Variants in UBR2 observed in about 807,000 individuals in gnomAD.
UBR2 encodes the protein E3 ubiquitin-protein ligase UBR2.
A neutral mutation model predicts 247.9 loss-of-function variants in UBR2; 92 were observed. The observed-to-expected ratio is 0.37, with a 90% CI of 0.31 to 0.44. The LOEUF is 0.44. UBR2 is among the 20% of genes least tolerant of loss of function. The probability of loss-of-function intolerance (pLI) is 1.00; values close to 1 mark genes in which losing one functional copy is unlikely to be tolerated. For missense variants in UBR2, 1,613 were observed against 2,112.6 expected (o/e 0.76, Z 4.64); for synonymous variants, 672 against 693.5 (o/e 0.97, Z 0.49).
chr6:42,610,783 G>T lies in UBR2; in HGVS notation c.865-1388G>T, dbSNP rs896123098. 2.0e-5 allele frequency among the ~76,000 whole-genome samples: 3 copies of T among 151,772 alleles called. No individual in the cohort carries two copies. The South Asian group carries it at 6.3e-4, about 32-fold the overall frequency. On this transcript the variant is annotated intron_variant, in intron 7 of 46. Coordinates refer to ENST00000372901, the MANE Select transcript of UBR2 (RefSeq NM_001363705.2). ...GGACTAGTTTCACAACAGTATGAAT[G>T]TACTTAACAATACTGAACTGTACAC...
In UBR2 at chr6:42,620,128, G is replaced by T. The variant is rs919027437; in HGVS notation, c.1281+2621G>T. 9.5e-6 allele frequency: 6 copies of T among 632,286 alleles called. No individual in the cohort carries two copies. The South Asian group carries it at 3.6e-4, about 38-fold the overall frequency. The allele number at this position is 632,286 out of a possible 1,614,324, so 39.2% of individuals were successfully genotyped here. A position where few individuals can be genotyped will look rare whatever the true frequency, so the allele number is the denominator to read the frequency against. ...AATGGTTAAACCAATTCATGCTTCTGTTAATAACGTATGAAAGTGATAGTT... is the reference window on the plus strand; with the variant it reads ...AATGGTTAAACCAATTCATGCTTCTTTTAATAACGTATGAAAGTGATAGTT... On this transcript the variant is annotated intron_variant, in intron 11 of 46. Coordinates refer to ENST00000372901, the MANE Select transcript of UBR2 (RefSeq NM_001363705.2).
intron 43 of UBR2, 72 bp from the exon 44 acceptor site, chr6:42,684,722 A>G: frequency 8.7e-7 from 1 of 1,149,176 alleles, no homozygotes; most frequent in Non-Finnish European, 1.3e-6. Flanking sequence ...AGGTATGTGC[A>G]CATGGAAGTG....
chr6:42,607,828 T>C (rs148911964), intron 7 of UBR2, among the ~76,000 whole-genome samples: 1 of 152,092 alleles, frequency 6.6e-6, no homozygotes, highest in Non-Finnish European at 1.5e-5. Flanking sequence ...CGTTCCTTTA[T>C]ATTTCATATA....
chr6:42,593,725 G>C (rs1489122794), intron 3 of UBR2, among the ~76,000 whole-genome samples: 4 of 152,106 alleles, frequency 2.6e-5, no homozygotes, highest in Non-Finnish European at 5.9e-5. Flanking sequence ...GTGTATTAGA[G>C]AAGAAAAATT....
chr6:42,642,795 C>A (rs1796524021), intron 18 of UBR2, among the ~76,000 whole-genome samples: 1 of 152,178 alleles, frequency 6.6e-6, no homozygotes. Flanking sequence ...TGAAAGCCAT[C>A]CTTTCTTCAT....
intron 8 of UBR2, among the ~76,000 whole-genome samples, chr6:42,614,177 CAAAAAAAA>C (rs1167450076): frequency 1.8e-4 from 2 of 11,392 alleles, no homozygotes; most frequent in South Asian, 3.4e-3. Context: ...ACTCTGTCTC[CAAAAAAAA>C]AAAAAAAAAA....
chr6:42,614,375 T>TATGTACGTACATACATAC (rs70990112), intron 8 of UBR2, among the ~76,000 whole-genome samples: 2 of 69,752 alleles, frequency 2.9e-5, no homozygotes, highest in African/African-American at 5.4e-5. Context: ...TGTGTATGTG[T>TATGTACGTACATACATAC]GTATATATGT....
At chr6:42,665,597 G>T in intron 33 of UBR2, 85 bp downstream of exon 33, 1 of 1,064,126 alleles carries the variant, frequency 9.4e-7, no homozygotes, top group Non-Finnish European at 1.4e-6. Flanking sequence ...GTTTAAAAGT[G>T]AAACCTCCCA....
rs115801039 is a variant in UBR2, at chr6:42,573,280, T to C, written c.79-454T>C. Among the ~76,000 whole-genome samples, 165 of 152,304 alleles carry C rather than the reference T, an allele frequency of 1.1e-3. 1 individual carries two copies. The highest frequency in any genetic ancestry group is 3.8e-3 in the African/African-American group (160 of 41,568). On this transcript the variant is annotated intron_variant, in intron 1 of 46. Transcript: ENST00000372901. ...CTTATCAATCATTAAGAAATGTGTATTGGCTGTTCATGTTCACCGTACATA... is the reference window on the plus strand; with the variant it reads ...CTTATCAATCATTAAGAAATGTGTACTGGCTGTTCATGTTCACCGTACATA...
At position 42,658,688 on chromosome 6, in the gene UBR2, G is replaced by A. The variant is rs1313673004; in HGVS notation, c.3106G>A (p.Glu1036Lys). 1.2e-6 allele frequency: 2 copies of A among 1,612,922 alleles called. No homozygotes were observed. The highest frequency in any genetic ancestry group is 2.2e-5 in the East Asian group (1 of 44,842). ...KDKAERKRKA[E>K]IARLRREKIM... ...CAAAGCTGAGAGGAAGAGAAAAGCA[G>A]AGATTGCCAGACTGCGCAGAGAAAA... Residue 1036 changes from glutamate to lysine, a missense_variant, in exon 29 of 47, where the codon GAG becomes AAG. This residue lies in a region of UBR2 where 1,524 missense variants were observed against 1,967.3 expected (regional missense o/e 0.77). Transcript: ENST00000372901.
intron 41 of UBR2, among the ~76,000 whole-genome samples, chr6:42,679,370 T>C (rs1209358992): frequency 6.6e-6 from 1 of 152,268 alleles, no homozygotes; most frequent in Non-Finnish European, 1.5e-5. Flanking sequence ...AAAACCATCT[T>C]GTATTTCTGT....
intron 21 of UBR2, among the ~76,000 whole-genome samples, chr6:42,647,010 T>C (rs941048349): frequency 2.6e-5 from 4 of 151,812 alleles, no homozygotes; most frequent in Admixed American, 2.0e-4. Flanking sequence ...TTAGTAGAGA[T>C]GGGGGTTCTC....
rs1239652943 is a variant in UBR2 at position 42,603,672 on chromosome 6, T to C, written c.616T>C (p.Leu206=). Residue 206 remains leucine (L), a synonymous_variant, in exon 5 of 47, where the codon TTA becomes CTA. Coordinates refer to ENST00000372901, the MANE Select transcript of UBR2 (RefSeq NM_001363705.2). ...AITFRYAVEI[L]TWEKESELPA... ...TACGTTTCGGTATGCAGTAGAAATA[T>C]TAACCTGGGAAAAAGAAAGTGAATT... The C allele has an allele frequency of 6.2e-7, 1 of 1,602,246 alleles. No homozygotes were observed. The highest frequency in any genetic ancestry group is 8.5e-7 in the Non-Finnish European group (1 of 1,177,398).
At chr6:42,582,339 A>G (rs1791965842) in intron 2 of UBR2, among the ~76,000 whole-genome samples, 1 of 151,840 alleles carries the variant, frequency 6.6e-6, no homozygotes, top group African/African-American at 2.4e-5. Context: ...TTATATTAAG[A>G]CACCATAAGA....
chr6:42,641,909 T>C (rs944060717), intron 17 of UBR2, among the ~76,000 whole-genome samples: 3 of 152,228 alleles, frequency 2.0e-5, no homozygotes, highest in Non-Finnish European at 4.4e-5. Flanking sequence ...TCATGACTTT[T>C]ACTTGAAATA....
chr6:42,573,050 A>C (rs1237383555), intron 1 of UBR2, among the ~76,000 whole-genome samples: 1 of 152,108 alleles, frequency 6.6e-6, no homozygotes, highest in African/African-American at 2.4e-5. Context: ...TTGGTGGAGC[A>C]TGGAGGGGAG....
At chr6:42,674,796 G>C (rs1054618353) in intron 38 of UBR2, among the ~76,000 whole-genome samples, 1 of 149,130 alleles carries the variant, frequency 6.7e-6, no homozygotes, top group Non-Finnish European at 1.5e-5. Flanking sequence ...ACTGCTGCTG[G>C]CCCATACAGT....
At chr6:42,643,855 C>T (rs1296422731) in intron 18 of UBR2, among the ~76,000 whole-genome samples, 2 of 152,018 alleles carry the variant, frequency 1.3e-5, no homozygotes, top group Non-Finnish European at 2.9e-5. Context: ...CAAGTCCAAA[C>T]GGTGATCAGA....
At chr6:42,594,984 CAATAG>C (rs1260114623) in intron 4 of UBR2, among the ~76,000 whole-genome samples, 1 of 152,012 alleles carries the variant, frequency 6.6e-6, no homozygotes, top group East Asian at 1.9e-4. Flanking sequence ...TGGTATGCTA[CAATAG>C]ATTATGTTTT....
Sources: allele counts gnomAD v4.1 joint callset (sites outside exome capture counted in the v4.1 genomes callset), GRCh38; gene constraint gnomAD v4.1.1; regional missense constraint gnomAD v4.1.1; transcripts MANE v1.5; gene names NCBI Gene and HGNC (gene_info 2026-07-23, HGNC 2026-07-21).